SCFD2: variants seen among roughly 807,000 people sequenced by gnomAD.
SCFD2 encodes sec1 family domain containing 2, also known as sec1 family domain-containing protein 2.
SCFD2 carries 54 observed loss-of-function variants against 58.9 expected under a neutral mutation model. The ratio of observed to expected loss-of-function variants is 0.92; its 90% CI spans 0.74 to 1.15. The LOEUF is 1.15. SCFD2 is among the 50% of genes most tolerant of loss of function. The pLI, the probability that SCFD2 is intolerant of heterozygous loss-of-function variation, is 0.00. For missense variants in SCFD2, 805 were observed against 836.6 expected, an observed-to-expected ratio of 0.96 and a Z score of 0.47; for synonymous variants, 321 against 335.9, an observed-to-expected ratio of 0.96 and a Z score of 0.49.
At chr4:52,928,399 G>C (rs1221185787) in intron 5 of SCFD2, among the ~76,000 whole-genome samples, 1 of 152,126 alleles carries the variant, frequency 6.6e-6, no homozygotes, top group Non-Finnish European at 1.5e-5. Context: ...TTTCATATTA[G>C]AGTTCTTGAG....
chr4:52,881,251 T>G (rs1218186356), intron 8 of SCFD2, among the ~76,000 whole-genome samples: 3 of 152,194 alleles, frequency 2.0e-5, no homozygotes, highest in Admixed American at 1.3e-4. Flanking sequence ...TTTCTGGAGG[T>G]GCTGTGAATG....
At position 52,885,786 on chromosome 4, in the gene SCFD2, C is replaced by T. The variant is rs752915973; in HGVS notation, c.1923G>A (p.Met641Ile). ...VGGVTVSEVK[M>I]VKDLVASLKP... ...TCAACGATGCCACAAGATCTTTGAC[C>T]ATTTTCACTTCAGAGACTGTGACCC... The change falls in exon 8 of 9, where the codon ATG (methionine) becomes ATA (isoleucine). Residue 641 changes from methionine to isoleucine, a missense_variant. Around this residue, in one of 3 missense-constraint regions of SCFD2, gnomAD observed 633 missense variants for 646.8 expected, o/e 0.98. Transcript: ENST00000401642. The T allele has an allele frequency of 6.2e-7, 1 of 1,614,078 alleles. No individual in the cohort carries two copies. Among genetic ancestry groups the T allele is most frequent in the African/African-American group, 1.3e-5 (1 of 75,038 alleles).
chr4:53,267,084 T>C (rs1380240716), intron 4 of SCFD2, among the ~76,000 whole-genome samples: 2 of 152,202 alleles, frequency 1.3e-5, no homozygotes, highest in East Asian at 1.9e-4. Context: ...AATTGTAGAT[T>C]TCTAAGACCG....
chr4:52,923,973 G>A (rs1006530192), intron 5 of SCFD2, among the ~76,000 whole-genome samples: 1 of 152,148 alleles, frequency 6.6e-6, no homozygotes, highest in African/African-American at 2.4e-5. Flanking sequence ...TAGGAGTTGA[G>A]TACTATGTAC....
intron 1 of SCFD2, among the ~76,000 whole-genome samples, chr4:53,353,873 C>A (rs28831138): frequency 3.2e-4 from 38 of 116,998 alleles, no homozygotes; most frequent in African/African-American, 1.1e-3. Context: ...GTGCATTTAC[C>A]AACCTTGAGC....
intron 5 of SCFD2, among the ~76,000 whole-genome samples, chr4:52,968,747 G>A (rs1721023642): frequency 6.6e-6 from 1 of 151,940 alleles, no homozygotes; most frequent in South Asian, 2.1e-4. Context: ...TGTGTGTCTG[G>A]GTGCTGGTGT....
intron 4 of SCFD2, among the ~76,000 whole-genome samples, chr4:53,229,831 G>A (rs1172669622): frequency 2.0e-5 from 3 of 152,152 alleles, no homozygotes; most frequent in Non-Finnish European, 4.4e-5. Context: ...AGAGTGAACA[G>A]GCAACCTACA....
At chr4:53,270,182 C>A (rs1233800397) in intron 4 of SCFD2, among the ~76,000 whole-genome samples, 3 of 151,902 alleles carry the variant, frequency 2.0e-5, no homozygotes, top group Non-Finnish European at 4.4e-5. Flanking sequence ...TTGAATTTGT[C>A]CCAGGAATGC....
intron 5 of SCFD2, among the ~76,000 whole-genome samples, chr4:53,000,119 G>A (rs1407966055): frequency 1.3e-5 from 2 of 152,198 alleles, no homozygotes; most frequent in Non-Finnish European, 2.9e-5. Context: ...ATGGGATGTT[G>A]CGGGAGGCAG....
At chr4:53,301,367 C>T (rs916982269) in intron 3 of SCFD2, among the ~76,000 whole-genome samples, 8 of 152,074 alleles carry the variant, frequency 5.3e-5, no homozygotes, top group African/African-American at 1.9e-4. Flanking sequence ...GGATAAATTC[C>T]TCAACACATA....
At chr4:53,198,631 G>C (rs1342289235) in intron 4 of SCFD2, among the ~76,000 whole-genome samples, 1 of 151,762 alleles carries the variant, frequency 6.6e-6, no homozygotes, top group Admixed American at 6.6e-5. Context: ...AAGTTGTTTT[G>C]GAGTTGGGGA....
At chr4:53,357,865 T>C (rs1734444919) in intron 1 of SCFD2, among the ~76,000 whole-genome samples, 3 of 152,142 alleles carry the variant, frequency 2.0e-5, no homozygotes, top group Non-Finnish European at 4.4e-5. Context: ...TTCTCAAACT[T>C]TTCCCACACC....
At chr4:52,895,938 T>C (rs1718997107) in intron 7 of SCFD2, among the ~76,000 whole-genome samples, 1 of 152,218 alleles carries the variant, frequency 6.6e-6, no homozygotes, top group Non-Finnish European at 1.5e-5. Flanking sequence ...TTTCATGTGT[T>C]TTTTGGCTGC....
chr4:53,061,111 T>C (rs1723496441), intron 5 of SCFD2, among the ~76,000 whole-genome samples: 2 of 152,220 alleles, frequency 1.3e-5, no homozygotes, highest in African/African-American at 4.8e-5. Context: ...ACAATTTTTA[T>C]AAACCTGCTT....
At chr4:53,079,397 G>GA (rs1392249376) in intron 5 of SCFD2, among the ~76,000 whole-genome samples, 1 of 152,110 alleles carries the variant, frequency 6.6e-6, no homozygotes, top group Non-Finnish European at 1.5e-5. Context: ...GACAAACGCA[G>GA]AAAAAATGCT....
chr4:53,250,283 G>C (rs1191021920), intron 4 of SCFD2, among the ~76,000 whole-genome samples: 2 of 152,268 alleles, frequency 1.3e-5, no homozygotes, highest in South Asian at 2.1e-4. Context: ...CAATATAGGA[G>C]CACCCAGATT....
chr4:53,268,057 G>A (rs573577586), intron 4 of SCFD2, among the ~76,000 whole-genome samples: 1 of 152,114 alleles, frequency 6.6e-6, no homozygotes, highest in Non-Finnish European at 1.5e-5. Context: ...TTGTCCATAC[G>A]GTAGGGCAGG....
At chr4:53,067,300 T>C (rs1723689700) in intron 5 of SCFD2, among the ~76,000 whole-genome samples, 1 of 152,024 alleles carries the variant, frequency 6.6e-6, no homozygotes, top group Non-Finnish European at 1.5e-5. Flanking sequence ...TTACTCATCC[T>C]GGGCCTCACA....
At chr4:53,110,280 A>G (rs1725131808) in intron 5 of SCFD2, among the ~76,000 whole-genome samples, 1 of 152,218 alleles carries the variant, frequency 6.6e-6, no homozygotes, top group African/African-American at 2.4e-5. Context: ...ACCTAACACC[A>G]TAAAAACCCT....
Sources: gnomAD v4.1 joint callset for allele counts (sites outside exome capture counted in the v4.1 genomes callset) on GRCh38, gnomAD v4.1.1 for gene constraint, gnomAD v4.1.1 regional missense constraint, MANE v1.5 for transcripts, NCBI Gene and HGNC (gene_info 2026-07-23, HGNC 2026-07-21) for gene names.